The following IQCM variants were observed in gnomAD, a reference collection of about 807,000 sequenced individuals.
IQCM encodes IQ domain-containing protein M.
A neutral mutation model predicts 57.6 loss-of-function variants in IQCM; 45 were observed. That is an observed-to-expected ratio of 0.78 (90% CI 0.62 to 1.00). The LOEUF (loss-of-function observed/expected upper bound fraction) is 1.00. Ranked by LOEUF, IQCM falls within the 50% of genes least tolerant of loss-of-function variation. The probability of loss-of-function intolerance (pLI) is 0.00; values close to 1 mark genes in which losing one functional copy is unlikely to be tolerated. For synonymous variants in IQCM, 148 were observed against 158.9 expected (o/e 0.93, Z 0.51); for missense variants, 468 against 511.6 (o/e 0.91, Z 0.82).
At chr4:149,376,442 T>C (rs1578847245) in intron 13 of IQCM, among the ~76,000 whole-genome samples, 1 of 152,274 alleles carries the variant, frequency 6.6e-6, no homozygotes, top group African/African-American at 2.4e-5. Context: ...CAAGATGCTA[T>C]TGCCAAAAAC....
intron 9 of IQCM, among the ~76,000 whole-genome samples, chr4:149,566,140 G>A (rs978206385): frequency 5.3e-5 from 8 of 152,148 alleles, no homozygotes; most frequent in African/African-American, 1.2e-4. Context: ...AATGGGCATT[G>A]ATGTATGAGA....
At chr4:149,375,471 T>G (rs1730647171) in intron 13 of IQCM, among the ~76,000 whole-genome samples, 1 of 152,178 alleles carries the variant, frequency 6.6e-6, no homozygotes, top group Non-Finnish European at 1.5e-5. Flanking sequence ...TAGTTTCTAC[T>G]TTTTGTTTCT....
chr4:149,464,624 T>C (rs998685450), intron 12 of IQCM, among the ~76,000 whole-genome samples: 4 of 152,140 alleles, frequency 2.6e-5, no homozygotes, highest in African/African-American at 7.2e-5. Flanking sequence ...ACGGGACCTT[T>C]TGAGACCTTT....
chr4:149,526,476 C>A (rs12374213), intron 12 of IQCM, among the ~76,000 whole-genome samples: 9 of 151,832 alleles, frequency 5.9e-5, no homozygotes, highest in African/African-American at 2.2e-4. Flanking sequence ...CAAAAAAGTT[C>A]TTTTCACTGT....
intron 13 of IQCM, among the ~76,000 whole-genome samples, chr4:149,430,854 A>G (rs1734792902): frequency 1.3e-5 from 2 of 151,900 alleles, no homozygotes; most frequent in African/African-American, 4.8e-5. Flanking sequence ...TTTCTTTGGG[A>G]TAAAGATGTA....
chr4:149,355,336 G>A (rs1202720251), intron 13 of IQCM, among the ~76,000 whole-genome samples: 3 of 151,674 alleles, frequency 2.0e-5, no homozygotes, highest in African/African-American at 7.3e-5. Context: ...TTGGTGTACT[G>A]CACCCATTAA....
chr4:149,396,624 T>C (rs1473404436), intron 13 of IQCM, among the ~76,000 whole-genome samples: 2 of 152,042 alleles, frequency 1.3e-5, no homozygotes, highest in Non-Finnish European at 2.9e-5. Flanking sequence ...GTGTACAATA[T>C]GTTGTTATTG....
chr4:149,505,281 T>C (rs926066424), intron 12 of IQCM, among the ~76,000 whole-genome samples: 14 of 152,170 alleles, frequency 9.2e-5, no homozygotes, highest in African/African-American at 3.4e-4. Flanking sequence ...AATGACTAGA[T>C]GTAATTTTAA....
chr4:149,353,040 T>G (rs1171653079), intron 13 of IQCM, among the ~76,000 whole-genome samples: 4 of 152,200 alleles, frequency 2.6e-5, no homozygotes, highest in Non-Finnish European at 4.4e-5. Context: ...AGGCATTGTT[T>G]CTGGGTTAAT....
chr4:149,764,268 T>C (rs1769820448), intron 2 of IQCM, among the ~76,000 whole-genome samples: 1 of 152,150 alleles, frequency 6.6e-6, no homozygotes, highest in South Asian at 2.1e-4. Context: ...TCCAAAGAAA[T>C]GCAATTGTCT....
intron 10 of IQCM, among the ~76,000 whole-genome samples, chr4:149,558,659 T>A (rs1009759219): frequency 5.3e-5 from 8 of 152,106 alleles, no homozygotes; most frequent in African/African-American, 1.7e-4. Context: ...TTCGATAATA[T>A]GACAATGAGC....
At chr4:149,398,731 G>A (rs552653471) in intron 13 of IQCM, among the ~76,000 whole-genome samples, 1 of 151,940 alleles carries the variant, frequency 6.6e-6, no homozygotes, top group African/African-American at 2.4e-5. Flanking sequence ...TTTTGAGACA[G>A]GGTCTAGCTA....
At chr4:149,450,795 AAGT>A (rs1169434770) in intron 12 of IQCM, among the ~76,000 whole-genome samples, 1 of 151,860 alleles carries the variant, frequency 6.6e-6, no homozygotes, top group South Asian at 2.1e-4. Flanking sequence ...ATGGAGAACA[AAGT>A]AGAAGTTCCT....
At chr4:149,358,394 T>A (rs1729167879) in intron 13 of IQCM, among the ~76,000 whole-genome samples, 2 of 152,182 alleles carry the variant, frequency 1.3e-5, no homozygotes, top group Non-Finnish European at 2.9e-5. Flanking sequence ...GCGCTATAAA[T>A]TTCCCTCTGC....
chr4:149,714,473 A>G (rs1454727674), intron 5 of IQCM, among the ~76,000 whole-genome samples: 1 of 152,142 alleles, frequency 6.6e-6, no homozygotes, highest in African/African-American at 2.4e-5. Context: ...CCAACTCTCT[A>G]TTCAATATCT....
chr4:149,571,894 T>C (rs1751197578), intron 9 of IQCM, among the ~76,000 whole-genome samples: 1 of 152,030 alleles, frequency 6.6e-6, no homozygotes, highest in African/African-American at 2.4e-5. Context: ...CTTAGCTTCC[T>C]CCATAATGCA....
intron 12 of IQCM, among the ~76,000 whole-genome samples, chr4:149,539,408 A>G (rs1349933128): frequency 6.6e-6 from 1 of 152,182 alleles, no homozygotes; most frequent in Admixed American, 6.5e-5. Flanking sequence ...GATTAGCTGC[A>G]AATGGGCACA....
intron 12 of IQCM, among the ~76,000 whole-genome samples, chr4:149,465,691 A>C (rs532241188): frequency 2.0e-4 from 31 of 152,202 alleles, no homozygotes; most frequent in African/African-American, 7.2e-4. Context: ...AAAAGATTCC[A>C]GAAAATTGGT....
chr4:149,591,488 C>T (rs560660971), intron 8 of IQCM, among the ~76,000 whole-genome samples: 130 of 151,544 alleles, frequency 8.6e-4, no homozygotes, highest in Middle Eastern at 3.2e-3. Context: ...TTCTAGGGTA[C>T]ATGTGCACAA....
Sources: gnomAD v4.1 joint callset for allele counts (sites outside exome capture counted in the v4.1 genomes callset) on GRCh38, gnomAD v4.1.1 for gene constraint, MANE v1.5 for transcripts, NCBI Gene and HGNC (gene_info 2026-07-23, HGNC 2026-07-21) for gene names.